The following RGPD3 variants were observed in gnomAD, a reference collection of about 807,000 sequenced individuals.
RGPD3 encodes the protein ranBP2-like and GRIP domain-containing protein 3.
Under a neutral mutation model 154.5 loss-of-function variants are expected in RGPD3, and 62 were observed. The ratio of observed to expected loss-of-function variants is 0.40; its 90% CI spans 0.33 to 0.50. RGPD3 has a LOEUF of 0.50. Ranked by LOEUF, RGPD3 falls within the 20% of genes least tolerant of loss-of-function variation. The pLI is 0.59. For missense variants in RGPD3, 919 were observed against 1,716.8 expected, an observed-to-expected ratio of 0.54 and a Z score of 8.21; for synonymous variants, 308 against 607.0, an observed-to-expected ratio of 0.51 and a Z score of 7.24.
At chr2:106,470,095 C>T (rs565625888), upstream of RGPD3, among the ~76,000 whole-genome samples, 16 of 152,092 alleles carry the variant, frequency 1.1e-4, no homozygotes, top group Non-Finnish European at 2.4e-4. Context: ...TAAAACTGTT[C>T]TAAGGAAATA....
In RGPD3 at chr2:106,403,937, CTAT is replaced by C. The variant is rs1439814262; in HGVS notation, c.*1279_*1281del. On this transcript the variant is annotated 3_prime_UTR_variant, in exon 23 of 23. Transcript: ENST00000409886. ...GCTTAAGAGAACTTCAGAGAGCATA[CTAT>C]GTGATTAATACATAAATATTAAAAA... Among the ~76,000 whole-genome samples, 1 of 152,060 alleles carries C rather than the reference CTAT, an allele frequency of 6.6e-6. No homozygotes were observed. Among genetic ancestry groups the C allele is most frequent in the Non-Finnish European group, 1.5e-5 (1 of 68,042 alleles).
intron 22 of RGPD3, chr2:106,412,646 G>T: frequency 5.5e-6 from 2 of 362,340 alleles, no homozygotes; most frequent in South Asian, 4.2e-5. Flanking sequence ...CCTAGAAAGT[G>T]GACTGCTGTA....
intron 1 of RGPD3, among the ~76,000 whole-genome samples, chr2:106,467,741 A>T (rs1344274947): frequency 1.4e-5 from 2 of 138,936 alleles, no homozygotes; most frequent in African/African-American, 5.6e-5. Flanking sequence ...AGAGCGCGCC[A>T]GGGAGCAGCG....
At chr2:106,449,612 T>G (rs1432111421) in intron 6 of RGPD3, among the ~76,000 whole-genome samples, 6 of 152,100 alleles carry the variant, frequency 3.9e-5, no homozygotes, top group African/African-American at 1.4e-4. Flanking sequence ...GTGCAGTGGC[T>G]CAGACCTGCA....
chr2:106,462,859 ATG>A (rs1678445597), intron 1 of RGPD3, among the ~76,000 whole-genome samples: 1 of 150,826 alleles, frequency 6.6e-6, no homozygotes, highest in Non-Finnish European at 1.5e-5. Flanking sequence ...ATACAGGACA[ATG>A]AGGAAAAGTC....
At chr2:106,461,603 G>A (rs1396036442) in intron 1 of RGPD3, among the ~76,000 whole-genome samples, 12 of 150,834 alleles carry the variant, frequency 8.0e-5, no homozygotes, top group African/African-American at 2.4e-4. Context: ...GTAAAACCAC[G>A]TAAGGCAATA....
Position 106,434,258 on chromosome 2 carries a change from G to A in RGPD3, c.2175C>T (p.Asp725=), listed in dbSNP as rs1250159483. 1.9e-6 allele frequency: 3 copies of A among 1,596,502 alleles called. No homozygotes were observed. The highest frequency in any genetic ancestry group is 2.2e-5 in the South Asian group (2 of 90,468). The part of the protein sequence containing the change: ...TRGYLIKILD[D]SDSNLSVVKK... ...TGACCACTGAAAGATTTGAATCACT[G>A]TCATCTAAAATCTTTATTAGGTAGC... The change falls in exon 15 of 23, where the codon GAC becomes GAT. Residue 725 remains aspartate (D), a synonymous_variant. Transcript: ENST00000409886.
intron 1 of RGPD3, among the ~76,000 whole-genome samples, chr2:106,462,588 C>T (rs1186923273): frequency 1.3e-5 from 2 of 152,246 alleles, no homozygotes; most frequent in East Asian, 3.9e-4. Flanking sequence ...AGAGATGCCA[C>T]ATCATCGCTA....
rs565035149 is a variant in RGPD3, at chr2:106,424,912, C to T, written c.3055G>A (p.Gly1019Ser). Residue 1019 changes from glycine to serine, a missense_variant, in exon 20 of 23, where the codon GGT becomes AGT. By Grantham distance (56) the Gly-to-Ser change is moderately conservative. Coordinates refer to ENST00000409886, the MANE Select transcript of RGPD3 (RefSeq NM_001144013.2). Reference protein sequence around the residue: ...GKMANKANTSGDFEKDDDAYK... With the variant: ...GKMANKANTSSDFEKDDDAYK... The stretch of plus-strand genomic sequence containing the variant: ...GCATCATCATCTTTCTCAAAGTCAC[C>T]GGAAGTGTTTGCTTTATTGGCCATT... The T allele has an allele frequency of 1.6e-4, 255 of 1,611,704 alleles. 1 individual carries two copies. The South Asian group carries it at 1.7e-3, about 11-fold the overall frequency.
In RGPD3 at chr2:106,405,179, T is replaced by G. The variant is rs1349807117; in HGVS notation, c.*40A>C. 1 of 1,608,364 alleles carries G rather than the reference T, an allele frequency of 6.2e-7. No homozygotes were observed. The highest frequency in any genetic ancestry group is 1.1e-5 in the South Asian group (1 of 89,454). On this transcript the variant is annotated 3_prime_UTR_variant, in exon 23 of 23. Coordinates refer to ENST00000409886, the MANE Select transcript of RGPD3 (RefSeq NM_001144013.2). ...TCAACCTATCGAAGTCCAAACCAAC[T>G]ACGAAGATAGGATGCCCATCCAGAA...
Position 106,450,471 on chromosome 2 carries a change from A to G in RGPD3, c.782+1734T>C, listed in dbSNP as rs1446952251. ...CCTCAGGCCCCCAAGTCACCCCCTC[A>G]TGGTCCAGATTCTCCCGAGTGACTC... is the stretch of plus-strand genomic sequence containing the variant. On this transcript the variant is annotated intron_variant, in intron 6 of 22. Coordinates refer to ENST00000409886, the MANE Select transcript of RGPD3 (RefSeq NM_001144013.2). 6.6e-5 allele frequency among the ~76,000 whole-genome samples: 10 copies of G among 150,912 alleles called. No homozygotes were observed. In the East Asian group the frequency reaches 1.2e-3, roughly 18 times the overall value.
intron 22 of RGPD3, among the ~76,000 whole-genome samples, chr2:106,409,581 T>C (rs1437121733): frequency 6.6e-6 from 1 of 152,132 alleles, no homozygotes; most frequent in Non-Finnish European, 1.5e-5. Context: ...GAGATTTCTC[T>C]CTGTCTTTTT....
chr2:106,426,207 A>G (rs1260532743), intron 18 of RGPD3, 119 bp from the exon 19 acceptor site: 5 of 815,144 alleles, frequency 6.1e-6, no homozygotes, highest in South Asian at 2.0e-5. Flanking sequence ...TTAACTACAT[A>G]AATTTTAAAT....
chr2:106,405,097 A>G lies in RGPD3; in HGVS notation c.*122T>C, dbSNP rs960748374. 2.7e-5 allele frequency: 36 copies of G among 1,344,222 alleles called. No individual in the cohort carries two copies. Among genetic ancestry groups the G allele is most frequent in the Non-Finnish European group, 3.7e-5 (35 of 957,202 alleles). 83.3% of individuals were successfully genotyped at this position (1,344,222 alleles called of 1,614,324 possible). ...TTTTTGACAAAAGAATGATGGTAAT[A>G]CACATGAACCATTTTTGTAAATAGA... On this transcript the variant is annotated 3_prime_UTR_variant, in exon 23 of 23. Transcript: ENST00000409886.
At position 106,425,027 on chromosome 2, in the gene RGPD3, T is replaced by C; in HGVS notation, c.2940A>G (p.Ser980=). The C allele has an allele frequency of 6.2e-7, 1 of 1,611,942 alleles. No individual in the cohort carries two copies. ...TTTTGCCAAACTGAAATCCTTCTCC[T>C]GAAGTTGATTTTGCAACATCTGCAA... The part of the protein sequence containing the change: ...FTFADVAKST[S]GEGFQFGKKD... The change falls in exon 20 of 23, where the codon TCA becomes TCG. Residue 980 remains serine, a synonymous_variant. Coordinates refer to ENST00000409886, the MANE Select transcript of RGPD3 (RefSeq NM_001144013.2).
rs1276027464 is a variant in RGPD3, at chr2:106,447,460, A to G, written c.936T>C (p.Ala312=). 1 of 199,066 alleles carries G rather than the reference A, an allele frequency of 5.0e-6. No individual in the cohort carries two copies. The highest frequency in any genetic ancestry group is 1.0e-4 in the East Asian group (1 of 9,888). 12.3% of individuals were successfully genotyped at this position (199,066 alleles called of 1,614,324 possible). The part of the protein sequence containing the change: ...GQHGNNVQWR[A]LSELAALCYL... ...AGCACAATGCAGCCAGCTCAGAAAG[A>G]GCTCGCCATTGAACATTATTACCAT... Residue 312 remains alanine, a synonymous_variant, in exon 7 of 23, where the codon GCT becomes GCC. Coordinates refer to ENST00000409886, the MANE Select transcript of RGPD3 (RefSeq NM_001144013.2).
At chr2:106,448,199 C>T (rs1677992958) in intron 6 of RGPD3, among the ~76,000 whole-genome samples, 1 of 151,892 alleles carries the variant, frequency 6.6e-6, no homozygotes, top group Non-Finnish European at 1.5e-5. Flanking sequence ...CCTCCACCTC[C>T]CAGGTTCAAG....
chr2:106,409,754 T>C (rs1353614988), intron 22 of RGPD3, among the ~76,000 whole-genome samples: 7 of 151,640 alleles, frequency 4.6e-5, no homozygotes, highest in African/African-American at 1.7e-4. Flanking sequence ...TGTATTCTTG[T>C]CTCTCCTTTT....
chr2:106,464,340 CAA>C (rs55851806), intron 1 of RGPD3, among the ~76,000 whole-genome samples: 140 of 107,278 alleles, frequency 1.3e-3, no homozygotes, highest in African/African-American at 2.5e-3. Context: ...GACTCCATCT[CAA>C]AAAAAAAAAA....
Sources: allele counts gnomAD v4.1 joint callset (sites outside exome capture counted in the v4.1 genomes callset), GRCh38; gene constraint gnomAD v4.1.1; transcripts MANE v1.5; gene names NCBI Gene and HGNC (gene_info 2026-07-23, HGNC 2026-07-21).